Variants in SYN3 observed in about 807,000 individuals in gnomAD.
The protein encoded by SYN3 is synapsin-3.
Under a neutral mutation model 65.8 loss-of-function variants are expected in SYN3, and 35 were observed. The observed-to-expected ratio is 0.53, with a 90% CI of 0.41 to 0.70. The LOEUF (loss-of-function observed/expected upper bound fraction) is 0.70. Among genes scored for constraint, SYN3 ranks in the 30% least tolerant of loss-of-function variants. SYN3 has a pLI of 0.00. For missense variants in SYN3, 680 were observed against 749.0 expected (o/e 0.91, Z 1.08); for synonymous variants, 270 against 292.9 (o/e 0.92, Z 0.80).
At chr22:32,526,093 G>T (rs190741300) in intron 12 of SYN3, among the ~76,000 whole-genome samples, 98 of 152,266 alleles carry the variant, frequency 6.4e-4, no homozygotes, top group Admixed American at 1.9e-3. Context: ...TATCATTAAG[G>T]TATGTACTTT....
At chr22:32,941,201 G>A (rs933734686) in intron 3 of SYN3, among the ~76,000 whole-genome samples, 4 of 152,152 alleles carry the variant, frequency 2.6e-5, no homozygotes, top group African/African-American at 7.2e-5. Flanking sequence ...GGTAATAAAT[G>A]GAGGAGAAAG....
intron 6 of SYN3, among the ~76,000 whole-genome samples, chr22:32,625,934 T>A (rs2059660004): frequency 6.6e-6 from 1 of 152,208 alleles, no homozygotes; most frequent in African/African-American, 2.4e-5. Flanking sequence ...AGGCCAAATA[T>A]TCTGCATCAC....
At chr22:32,713,256 C>A (rs1304951677) in intron 6 of SYN3, among the ~76,000 whole-genome samples, 1 of 152,308 alleles carries the variant, frequency 6.6e-6, no homozygotes, top group African/African-American at 2.4e-5. Context: ...ATTCAGTCAT[C>A]CTCAGGGGTA....
At position 33,020,504 on chromosome 22, in the gene SYN3, T is replaced by G. The variant is rs73162077; in HGVS notation, c.-162-13680A>C. On this transcript the variant is annotated intron_variant, in intron 1 of 13. Coordinates refer to ENST00000358763, the MANE Select transcript of SYN3 (RefSeq NM_003490.4). ...CCTCAATACAATCACGCTATTAAAATGATTCTTCCAATGGTATAAGGTATA... is the reference window on the plus strand; with the variant it reads ...CCTCAATACAATCACGCTATTAAAAGGATTCTTCCAATGGTATAAGGTATA... 5.9e-3 allele frequency among the ~76,000 whole-genome samples: 894 copies of G among 152,298 alleles called. 7 individuals carry two copies. The highest frequency in any genetic ancestry group is 0.029 in the South Asian group (138 of 4,826).
Position 32,876,922 on chromosome 22 carries a change from T to C in SYN3, c.462-7797A>G, listed in dbSNP as rs1222849298. On this transcript the variant is annotated intron_variant, in intron 4 of 13. Transcript: ENST00000358763. Reference sequence around the variant, plus strand: ...TACTAAAACTTTCGGTTGGTACACATGCATAAATAGATAGATAAATAAGTA... The same window carrying C: ...TACTAAAACTTTCGGTTGGTACACACGCATAAATAGATAGATAAATAAGTA... Among the ~76,000 whole-genome samples the C allele has an allele frequency of 3.9e-5, 6 of 152,368 alleles. No individual in the cohort carries two copies. In the South Asian group the frequency reaches 6.2e-4, roughly 16 times the overall value.
intron 6 of SYN3, among the ~76,000 whole-genome samples, chr22:32,684,669 A>G (rs1189225383): frequency 1.3e-5 from 2 of 152,240 alleles, no homozygotes; most frequent in Non-Finnish European, 2.9e-5. Context: ...CACACCATGC[A>G]TTTGGCAAAA....
chr22:32,567,754 C>T (rs1017480143), intron 7 of SYN3, among the ~76,000 whole-genome samples: 4 of 152,046 alleles, frequency 2.6e-5, no homozygotes, highest in South Asian at 2.1e-4. Flanking sequence ...GTGACCAGCC[C>T]GAGGTCACAC....
intron 6 of SYN3, among the ~76,000 whole-genome samples, chr22:32,665,868 C>T (rs113345122): frequency 3.9e-5 from 6 of 152,284 alleles, no homozygotes; most frequent in African/African-American, 1.2e-4. Context: ...GTTTATACTT[C>T]TAGCCCTGAC....
intron 6 of SYN3, among the ~76,000 whole-genome samples, chr22:32,653,143 G>A (rs759379130): frequency 5.9e-5 from 9 of 151,946 alleles, no homozygotes; most frequent in Non-Finnish European, 1.2e-4. Context: ...TCCATGTAAC[G>A]AATATGTTGC....
chr22:32,828,970 C>T (rs1182572367), intron 6 of SYN3, among the ~76,000 whole-genome samples: 1 of 152,158 alleles, frequency 6.6e-6, no homozygotes, highest in African/African-American at 2.4e-5. Context: ...TACATTGGTC[C>T]TTACCTCCCC....
intron 4 of SYN3, among the ~76,000 whole-genome samples, chr22:32,902,144 G>A (rs137528): frequency 0.5 from 75,437 of 152,124 alleles, 19,527 homozygotes; most frequent in Non-Finnish European, 0.57. Flanking sequence ...CCTAGGTGGC[G>A]GCTGTTCCCA....
intron 1 of SYN3, among the ~76,000 whole-genome samples, chr22:33,009,751 A>ACAC (rs2053300912): frequency 7.1e-6 from 1 of 141,204 alleles, no homozygotes; most frequent in African/African-American, 2.6e-5. Context: ...TACGTATCTA[A>ACAC]ACACACACAC....
intron 2 of SYN3, among the ~76,000 whole-genome samples, chr22:33,005,819 A>C (rs1243697925): frequency 6.6e-6 from 1 of 152,174 alleles, no homozygotes; most frequent in African/African-American, 2.4e-5. Flanking sequence ...TTATGGAAGG[A>C]GGGTGGCTGA....
intron 13 of SYN3, among the ~76,000 whole-genome samples, chr22:32,515,715 ATTAG>A (rs2057759205): frequency 1.3e-5 from 2 of 152,186 alleles, no homozygotes; most frequent in African/African-American, 4.8e-5. Context: ...TTTGTGATGG[ATTAG>A]TTAGATAAAT....
At chr22:32,991,060 G>A (rs1403085270) in intron 2 of SYN3, among the ~76,000 whole-genome samples, 2 of 152,124 alleles carry the variant, frequency 1.3e-5, no homozygotes, top group Admixed American at 6.5e-5. Flanking sequence ...CGTGGTGCCT[G>A]TAGTCCCAGC....
At chr22:32,574,775 C>T (rs1325716527) in intron 7 of SYN3, among the ~76,000 whole-genome samples, 1 of 152,228 alleles carries the variant, frequency 6.6e-6, no homozygotes, top group Non-Finnish European at 1.5e-5. Flanking sequence ...GATGGATCAT[C>T]CCATCTAAAG....
chr22:32,832,273 C>A (rs2047595042), intron 6 of SYN3, among the ~76,000 whole-genome samples: 1 of 151,812 alleles, frequency 6.6e-6, no homozygotes, highest in Non-Finnish European at 1.5e-5. Flanking sequence ...TGGACCACTA[C>A]AACGAAGAGA....
intron 6 of SYN3, among the ~76,000 whole-genome samples, chr22:32,655,193 T>G (rs2060125971): frequency 1.3e-5 from 2 of 152,296 alleles, no homozygotes; most frequent in South Asian, 4.1e-4. Context: ...GTTCATTTCT[T>G]TTATGCCACT....
At chr22:32,538,416 G>A (rs917261509) in intron 8 of SYN3, among the ~76,000 whole-genome samples, 2 of 152,022 alleles carry the variant, frequency 1.3e-5, no homozygotes, top group Admixed American at 1.3e-4. Context: ...CTGTTTTTGA[G>A]GAGAATGAGG....
Sources: gnomAD v4.1 joint callset for allele counts (sites outside exome capture counted in the v4.1 genomes callset) on GRCh38, gnomAD v4.1.1 for gene constraint, MANE v1.5 for transcripts, NCBI Gene and HGNC (gene_info 2026-07-23, HGNC 2026-07-21) for gene names.